The following SVOPL variants were observed in gnomAD, a reference collection of about 807,000 sequenced individuals.
SVOPL encodes putative transporter SVOPL.
SVOPL carries 60 observed loss-of-function variants against 61.0 expected under a neutral mutation model. The ratio of observed to expected loss-of-function variants is 0.98; its 90% CI spans 0.80 to 1.22. The LOEUF (loss-of-function observed/expected upper bound fraction) is 1.22, where lower values mean the gene tolerates loss of function less well. Ranked by LOEUF, SVOPL falls within the 50% of genes most tolerant of loss-of-function variation. The pLI is 0.00. For synonymous variants in SVOPL, 279 were observed against 250.0 expected, an observed-to-expected ratio of 1.12 and a Z score of -1.09; for missense variants, 662 against 643.9, an observed-to-expected ratio of 1.03 and a Z score of -0.30.
chr7:138,686,426 AAAG>A (rs1802816002), intron 1 of SVOPL, among the ~76,000 whole-genome samples: 3 of 147,674 alleles, frequency 2.0e-5, no homozygotes, highest in East Asian at 2.0e-4. Context: ...AAAAAAAAAA[AAAG>A]AAGCCAGAGA....
At chr7:138,637,463 T>TATATATATATATATAGATATAG (rs1554463004) in intron 9 of SVOPL, among the ~76,000 whole-genome samples, 4 of 19,108 alleles carry the variant, frequency 2.1e-4, no homozygotes, top group African/African-American at 4.2e-4. Flanking sequence ...TAGATATATA[T>TATATATATATATATAGATATAG]ATATAGATAT....
chr7:138,675,169 G>A (rs1802527398), intron 3 of SVOPL, among the ~76,000 whole-genome samples: 1 of 151,738 alleles, frequency 6.6e-6, no homozygotes, highest in Non-Finnish European at 1.5e-5. Flanking sequence ...GGGAGGCCGA[G>A]GTGGGAGGAT....
chr7:138,689,699 A>C (rs866304136), intron 1 of SVOPL, among the ~76,000 whole-genome samples: 1 of 151,918 alleles, frequency 6.6e-6, no homozygotes, highest in African/African-American at 2.4e-5. Context: ...TCTACTAAAA[A>C]TACAAAAATT....
At chr7:138,629,959 C>T in intron 10 of SVOPL, 90 bp downstream of exon 10, 1 of 995,816 alleles carries the variant, frequency 1.0e-6, no homozygotes, top group Admixed American at 1.9e-5. Flanking sequence ...TTATGTTTTT[C>T]TCCCCAGTGG....
At chr7:138,600,800 A>G (rs1019692664) in intron 14 of SVOPL, among the ~76,000 whole-genome samples, 3 of 152,142 alleles carry the variant, frequency 2.0e-5, no homozygotes, top group Non-Finnish European at 4.4e-5. Flanking sequence ...ATCACCTCAC[A>G]TGTCTATCAC....
At chr7:138,667,221 G>A (rs1311649953) in intron 4 of SVOPL, among the ~76,000 whole-genome samples, 1 of 152,162 alleles carries the variant, frequency 6.6e-6, no homozygotes, top group Admixed American at 6.5e-5. Flanking sequence ...AGCCATCCTT[G>A]AATAGCTGTT....
intron 1 of SVOPL, among the ~76,000 whole-genome samples, chr7:138,693,982 C>A (rs1803011556): frequency 6.6e-6 from 1 of 151,452 alleles, no homozygotes; most frequent in Non-Finnish European, 1.5e-5. Context: ...TTCACCCGCA[C>A]CGTACCTTCA....
chr7:138,603,011 T>C (rs1487906220), intron 14 of SVOPL, among the ~76,000 whole-genome samples: 2 of 152,102 alleles, frequency 1.3e-5, no homozygotes, highest in East Asian at 1.9e-4. Flanking sequence ...TGCATCTGTA[T>C]ATAATACATA....
At chr7:138,683,366 T>A (rs530251079) in intron 1 of SVOPL, among the ~76,000 whole-genome samples, 1 of 152,102 alleles carries the variant, frequency 6.6e-6, no homozygotes, top group African/African-American at 2.4e-5. Context: ...AATGAGGTTC[T>A]GAGATTCTGG....
Position 138,621,124 on chromosome 7 carries a change from G to T in SVOPL, c.1275C>A (p.Thr425=), listed in dbSNP as rs776036019. The change falls in exon 14 of 16, where the codon ACC becomes ACA. Residue 425 remains threonine (T), a synonymous_variant. Coordinates refer to ENST00000674285, the MANE Select transcript of SVOPL (RefSeq NM_001139456.2). ...VYIYTAEVYP[T]TMRALGMGTS... ...TTCCCATCCCCAAAGCGCGCATCGTGGTGGGGTAGACCTGCAGGGAGAGGC... is the reference window on the plus strand; with the variant it reads ...TTCCCATCCCCAAAGCGCGCATCGTTGTGGGGTAGACCTGCAGGGAGAGGC... 1.2e-6 allele frequency: 2 copies of T among 1,613,386 alleles called. No individual in the cohort carries two copies. The highest frequency in any genetic ancestry group is 8.5e-7 in the Non-Finnish European group (1 of 1,179,772).
chr7:138,607,677 A>G (rs1051131663), intron 14 of SVOPL, among the ~76,000 whole-genome samples: 2 of 152,200 alleles, frequency 1.3e-5, no homozygotes, highest in African/African-American at 4.8e-5. Context: ...AAGGCAGGAA[A>G]TGAAGCAGGA....
rs1283910210 is a variant in SVOPL at position 138,654,881 on chromosome 7, TTTTTAAA to T, written c.534+1560_534+1566del. 2.8e-5 allele frequency among the ~76,000 whole-genome samples: 4 copies of T among 141,030 alleles called. 1 individual carries two copies. The highest frequency in any genetic ancestry group is 1.1e-4 in the African/African-American group (4 of 35,550). The allele number at this position is 141,030 out of a possible 152,430, so 92.5% of individuals were successfully genotyped here. A position where few individuals can be genotyped will look rare whatever the true frequency, so the allele number is the denominator to read the frequency against. ...CTGTTTCACTTCCTTTTTTTTTTTT[TTTTTAAA>T]AAAAAAAAGAATTCAGAGCCTGCTG... On this transcript the variant is annotated intron_variant, in intron 7 of 15. Transcript: ENST00000674285.
chr7:138,597,142 G>A (rs953874800), intron 14 of SVOPL: 5 of 1,285,648 alleles, frequency 3.9e-6, no homozygotes, highest in African/African-American at 3.0e-5. Flanking sequence ...TGGTAATTCA[G>A]ATACTCCATC....
Position 138,626,036 on chromosome 7 carries a change from C to G in SVOPL, c.1196G>C (p.Gly399Ala). The G allele has an allele frequency of 6.2e-7, 1 of 1,614,042 alleles. No individual in the cohort carries two copies. Among genetic ancestry groups the G allele is most frequent in the South Asian group, 1.1e-5 (1 of 91,074 alleles). Reference protein sequence around the residue: ...NICTSSAGLIGFLFMLRALVA... With the variant: ...NICTSSAGLIAFLFMLRALVA... ...CAGAGCCCTCAGCATGAAGAGGAAG[C>G]CAATCAGGCCGGCACTAGAAAACAG... Residue 399 changes from glycine to alanine, a missense_variant, in exon 13 of 16, where the codon GGC (glycine) becomes GCC (alanine). Gly to Ala is a moderately conservative substitution (Grantham distance 60). Transcript: ENST00000674285.
intron 1 of SVOPL, chr7:138,689,264 TA>T: frequency 6.3e-7 from 1 of 1,576,230 alleles, no homozygotes. Context: ...TGCACATGGT[TA>T]AAAATGCAGA....
intron 7 of SVOPL, among the ~76,000 whole-genome samples, chr7:138,651,136 A>T (rs572740454): frequency 3.3e-5 from 5 of 152,170 alleles, no homozygotes; most frequent in African/African-American, 4.8e-5. Flanking sequence ...GATCGTTGGA[A>T]GGGAGGTAGG....
chr7:138,596,516 T>C lies in SVOPL; in HGVS notation c.1368A>G (p.Ala456=), dbSNP rs199985220. 1 of 1,613,746 alleles carries C rather than the reference T, an allele frequency of 6.2e-7. No individual in the cohort carries two copies. The highest frequency in any genetic ancestry group is 2.2e-5 in the East Asian group (1 of 44,838). The change falls in exon 15 of 16, where the codon GCA becomes GCG. Residue 456 remains alanine, a synonymous_variant. Coordinates refer to ENST00000674285, the MANE Select transcript of SVOPL (RefSeq NM_001139456.2). ...APFISQVLMS[A]SILGALCLFS... ...AGAGACACAGGGCCCCCAGTATTGA[T>C]GCACTCATAAGAACCTGCAAGTCAC...
intron 14 of SVOPL, among the ~76,000 whole-genome samples, chr7:138,605,464 T>A (rs1439811972): frequency 6.6e-6 from 1 of 151,880 alleles, no homozygotes; most frequent in South Asian, 2.1e-4. Flanking sequence ...GAGCTTGAGA[T>A]CAGCCTGGCC....
chr7:138,678,650 C>T, intron 2 of SVOPL, 125 bp from the exon 3 acceptor site: 1 of 871,030 alleles, frequency 1.1e-6, no homozygotes, highest in African/African-American at 1.7e-5. Context: ...CAGTGGTAGG[C>T]AACCTCTGCC....
Sources: gnomAD v4.1 joint callset for allele counts (sites outside exome capture counted in the v4.1 genomes callset) on GRCh38, gnomAD v4.1.1 for gene constraint, MANE v1.5 for transcripts, NCBI Gene and HGNC (gene_info 2026-07-23, HGNC 2026-07-21) for gene names.